DRC9: variants seen among roughly 807,000 people sequenced by gnomAD.
The protein encoded by DRC9 is dynein regulatory complex protein 9.
the DRC9 span, among the ~76,000 whole-genome samples, chr3:197,909,419 G>T: frequency 6.6e-6 from 1 of 152,080 alleles, no homozygotes; most frequent in Non-Finnish European, 1.5e-5. Flanking sequence ...ACCATTAGAG[G>T]GTTTAACAAA....
the DRC9 span, among the ~76,000 whole-genome samples, chr3:197,944,240 G>A: frequency 6.7e-6 from 1 of 150,060 alleles, no homozygotes. Context: ...CCAACCAAAG[G>A]CAAACAACTT....
chr3:197,914,106 C>G, the DRC9 span: 6 of 1,380,274 alleles, frequency 4.3e-6, no homozygotes, highest in Middle Eastern at 1.8e-4. Context: ...GTTCAGTCAG[C>G]GGCTTACGGT....
the DRC9 span, among the ~76,000 whole-genome samples, chr3:197,919,579 C>T: frequency 1.3e-5 from 2 of 152,298 alleles, no homozygotes; most frequent in Middle Eastern, 3.4e-3. Flanking sequence ...AAATTGCCTT[C>T]AGATCGGGAC....
At chr3:197,939,083 C>T in the DRC9 span, 1 of 289,518 alleles carries the variant, frequency 3.5e-6, no homozygotes, top group Admixed American at 4.9e-5. Flanking sequence ...AAAGTATCTC[C>T]ATCAGGTCGT....
chr3:197,912,522 T>C, the DRC9 span: 1 of 663,660 alleles, frequency 1.5e-6, no homozygotes, highest in East Asian at 2.5e-5. Context: ...AAGATATCTA[T>C]TCAGATGCAT....
the DRC9 span, chr3:197,953,977 C>T: frequency 6.2e-7 from 1 of 1,611,638 alleles, no homozygotes; most frequent in East Asian, 2.2e-5. Flanking sequence ...AGCTTGTATT[C>T]CTCTTCTTTC....
chr3:197,892,277 A>G, the DRC9 span, among the ~76,000 whole-genome samples: 2 of 152,036 alleles, frequency 1.3e-5, no homozygotes, highest in South Asian at 2.1e-4. Context: ...ATCATCACTG[A>G]CTCTCTCCAG....
chr3:197,920,500 G>T, the DRC9 span, among the ~76,000 whole-genome samples: 4 of 151,620 alleles, frequency 2.6e-5, no homozygotes, highest in African/African-American at 9.7e-5. Flanking sequence ...ACTGAGGCAG[G>T]TGGATCACCT....
chr3:197,942,778 G>A, the DRC9 span, among the ~76,000 whole-genome samples: 1 of 151,446 alleles, frequency 6.6e-6, no homozygotes, highest in Admixed American at 6.6e-5. Context: ...TTAGCTGGGC[G>A]TGGTGGCGTA....
At chr3:197,937,701 A>C in the DRC9 span, among the ~76,000 whole-genome samples, 8 of 151,858 alleles carry the variant, frequency 5.3e-5, no homozygotes, top group Non-Finnish European at 1.0e-4. Flanking sequence ...GCTGGTCTTG[A>C]ACTCCTGACC....
At chr3:197,912,571 G>C in the DRC9 span, 1 of 824,582 alleles carries the variant, frequency 1.2e-6, no homozygotes, top group Non-Finnish European at 2.0e-6. Flanking sequence ...TCATTAGGCT[G>C]AAAGAATGAT....
chr3:197,927,403 T>G, the DRC9 span, among the ~76,000 whole-genome samples: 3 of 152,118 alleles, frequency 2.0e-5, no homozygotes, highest in South Asian at 2.1e-4. Context: ...TTTTTGTATT[T>G]TTAGTAGAGA....
the DRC9 span, chr3:197,943,667 A>G: frequency 2.1e-6 from 2 of 963,470 alleles, no homozygotes; most frequent in South Asian, 1.7e-5. Flanking sequence ...CAAAGAAGGA[A>G]AGAGAGAGAG....
At chr3:197,935,648 A>G in the DRC9 span, among the ~76,000 whole-genome samples, 3 of 151,402 alleles carry the variant, frequency 2.0e-5, no homozygotes, top group South Asian at 2.1e-4. Flanking sequence ...ACGCCCAGCT[A>G]ATTTTTTTCA....
chr3:197,918,911 C>T, the DRC9 span, among the ~76,000 whole-genome samples: 2 of 152,098 alleles, frequency 1.3e-5, no homozygotes, highest in Non-Finnish European at 2.9e-5. Flanking sequence ...CAGGTTCAAG[C>T]GATTCTCCTG....
At chr3:197,921,840 C>T in the DRC9 span, among the ~76,000 whole-genome samples, 3 of 142,416 alleles carry the variant, frequency 2.1e-5, 1 homozygote, top group Non-Finnish European at 4.5e-5. Flanking sequence ...CTGATTTCAT[C>T]TTGATTGACC....
the DRC9 span, chr3:197,889,439 G>T: frequency 1.0e-6 from 1 of 958,484 alleles, no homozygotes; most frequent in South Asian, 1.6e-5. Flanking sequence ...AACAGGCAAA[G>T]TGAAATCAGG....
the DRC9 span, among the ~76,000 whole-genome samples, chr3:197,918,678 T>C: frequency 6.6e-6 from 1 of 152,202 alleles, no homozygotes; most frequent in Non-Finnish European, 1.5e-5. Context: ...CAAGAGCATG[T>C]TCTGGTAATT....
chr3:197,895,368 C>T, the DRC9 span, among the ~76,000 whole-genome samples: 1 of 152,186 alleles, frequency 6.6e-6, no homozygotes, highest in East Asian at 1.9e-4. Flanking sequence ...CTCCAGGGCT[C>T]AAGTCATCCT....
Sources: allele counts gnomAD v4.1 joint callset (sites outside exome capture counted in the v4.1 genomes callset), GRCh38; gene constraint gnomAD v4.1.1; transcripts MANE v1.5; gene names NCBI Gene and HGNC (gene_info 2026-07-23, HGNC 2026-07-21).